Variants in ADGRE1 observed in about 807,000 individuals in gnomAD.
ADGRE1 encodes the protein EGF-like module receptor 1.
In ADGRE1, 82 loss-of-function variants were observed where a neutral mutation model predicts 102.7. The ratio of observed to expected loss-of-function variants is 0.80; its 90% CI spans 0.67 to 0.96. The LOEUF is 0.96. Ranked by LOEUF, ADGRE1 falls within the 40% of genes least tolerant of loss-of-function variation. The pLI is 0.00. For synonymous variants in ADGRE1, 398 were observed against 399.6 expected, an observed-to-expected ratio of 1.00 and a Z score of 0.05; for missense variants, 1,032 against 1,085.3, an observed-to-expected ratio of 0.95 and a Z score of 0.69.
chr19:6,935,486 T>G (rs572707945), intron 18 of ADGRE1, among the ~76,000 whole-genome samples: 1 of 152,264 alleles, frequency 6.6e-6, no homozygotes. Flanking sequence ...TTTTGTTTTT[T>G]ATGGTTTTTT....
chr19:6,890,458 G>A (rs1360313000), intron 1 of ADGRE1, 23 bp from the exon 2 acceptor site: 1 of 787,992 alleles, frequency 1.3e-6, no homozygotes, highest in Non-Finnish European at 1.7e-6. Flanking sequence ...GGTTCATGGT[G>A]TTTTTCTTTT....
At chr19:6,920,238 T>A (rs1051893556) in intron 13 of ADGRE1, among the ~76,000 whole-genome samples, 13 of 151,334 alleles carry the variant, frequency 8.6e-5, no homozygotes, top group Non-Finnish European at 4.4e-5. Context: ...CTTCTTTTTT[T>A]TTTTTTAGTC....
chr19:6,888,300 T>G (rs935129383), intron 1 of ADGRE1, among the ~76,000 whole-genome samples: 1 of 152,124 alleles, frequency 6.6e-6, no homozygotes, highest in African/African-American at 2.4e-5. Flanking sequence ...GGTCGGGAGT[T>G]ATGTTGAAGG....
At chr19:6,930,301 G>A (rs1039536510) in intron 17 of ADGRE1, among the ~76,000 whole-genome samples, 1 of 152,154 alleles carries the variant, frequency 6.6e-6, no homozygotes, top group Non-Finnish European at 1.5e-5. Flanking sequence ...GGGAGGCCAG[G>A]GAATGTTAAA....
At chr19:6,928,939 CAAAA>C (rs61017298) in intron 17 of ADGRE1, among the ~76,000 whole-genome samples, 74 of 132,002 alleles carry the variant, frequency 5.6e-4, no homozygotes, top group African/African-American at 1.2e-3. Context: ...AACTCCATCT[CAAAA>C]AAAAAAAAAA....
At position 6,924,861 on chromosome 19, in the gene ADGRE1, A is replaced by T; in HGVS notation, c.1975A>T (p.Thr659Ser). 6.2e-7 allele frequency: 1 copy of T among 1,613,960 alleles called. No individual in the cohort carries two copies. Among genetic ancestry groups the T allele is most frequent in the Non-Finnish European group, 8.5e-7 (1 of 1,179,992 alleles). The change falls in exon 15 of 21, where the codon ACT (threonine) becomes TCT (serine). Residue 659 changes from threonine to serine, a missense_variant. By Grantham distance (58) the Thr-to-Ser change is moderately conservative (BLOSUM62 1). Coordinates refer to ENST00000312053, the MANE Select transcript of ADGRE1 (RefSeq NM_001974.5). ...TCTCTTCCTCGCCGGTATACACAAG[A>T]CTGACAACAAGGTCTACATCGCTCG... is the stretch of plus-strand genomic sequence containing the variant. Reference protein sequence around the residue: ...KTLFLAGIHKTDNKMGCAIIA... With the variant: ...KTLFLAGIHKSDNKMGCAIIA...
At chr19:6,890,135 C>CA (rs1218704847) in intron 1 of ADGRE1, among the ~76,000 whole-genome samples, 1 of 152,088 alleles carries the variant, frequency 6.6e-6, no homozygotes, top group Non-Finnish European at 1.5e-5. Flanking sequence ...AGGCCGGTGT[C>CA]AAACTGCTGG....
rs754961572 is a variant in ADGRE1 at position 6,919,562 on chromosome 19, GC to G, written c.1436del (p.Ala479ValfsTer12). 1 of 1,608,506 alleles carries G rather than the reference GC, an allele frequency of 6.2e-7. No homozygotes were observed. Among genetic ancestry groups the G allele is most frequent in the African/African-American group, 1.3e-5 (1 of 74,202 alleles). ...GAAACCTGCAGAGACCACTGGTGTG[GC>G]TTTTGTCTCCTTTGTGGGCATGGAA... Reference protein sequence around the residue: ...ESESTETTGVAFVSFVGMESV... With the variant: ...ESESTETTGVXFVSFVGMESV... On this transcript the variant is annotated frameshift_variant, in exon 13 of 21. Transcript: ENST00000312053. LOFTEE classifies it high-confidence loss of function.
intron 14 of ADGRE1, among the ~76,000 whole-genome samples, chr19:6,924,100 G>A (rs1277581933): frequency 1.3e-5 from 2 of 151,398 alleles, no homozygotes; most frequent in Non-Finnish European, 2.9e-5. Flanking sequence ...AAGCAGAAAG[G>A]CATTTAACAC....
Position 6,925,425 on chromosome 19 carries a change from T to A in ADGRE1, c.1986+553T>A, listed in dbSNP as rs548668430. ...GGCTTCAGCCATCACGCACGGCCCC[T>A]CCTGTTACTTTCTAAACCAGAGGTT... On this transcript the variant is annotated intron_variant, in intron 15 of 20. Coordinates refer to ENST00000312053, the MANE Select transcript of ADGRE1 (RefSeq NM_001974.5). Among the ~76,000 whole-genome samples, 8 of 152,186 alleles carry A rather than the reference T, an allele frequency of 5.3e-5. No individual in the cohort carries two copies. The East Asian group carries it at 1.2e-3, about 22-fold the overall frequency.
At chr19:6,890,676 T>C (rs532039434) in intron 2 of ADGRE1, 133 bp downstream of exon 2, 68 of 852,728 alleles carry the variant, frequency 8.0e-5, no homozygotes, top group Non-Finnish European at 1.2e-4. Context: ...AGGGTTAACA[T>C]GCAAGTCTCC....
At chr19:6,903,011 T>C (rs1178802640) in intron 6 of ADGRE1, among the ~76,000 whole-genome samples, 1 of 152,232 alleles carries the variant, frequency 6.6e-6, no homozygotes, top group Non-Finnish European at 1.5e-5. Context: ...AGAAAACAGC[T>C]TTATTGAAGA....
intron 9 of ADGRE1, among the ~76,000 whole-genome samples, chr19:6,907,438 A>G (rs998846070): frequency 4.0e-5 from 6 of 151,346 alleles, no homozygotes; most frequent in African/African-American, 1.5e-4. Flanking sequence ...TCCTGGGTTC[A>G]AGCAATTCTT....
chr19:6,913,843 C>G lies in ADGRE1; in HGVS notation c.1300+13C>G. 6.4e-7 allele frequency: 1 copy of G among 1,559,834 alleles called. No homozygotes were observed. The highest frequency in any genetic ancestry group is 8.7e-7 in the Non-Finnish European group (1 of 1,146,756). On this transcript the variant is annotated intron_variant, in intron 11 of 20. Coordinates refer to ENST00000312053, the MANE Select transcript of ADGRE1 (RefSeq NM_001974.5). Reference sequence around the variant, plus strand: ...ACGGAATACTTAGGTAGGAGACACCCTTTGTGGCAAGGTTACACCTAGGGG... The same window carrying G: ...ACGGAATACTTAGGTAGGAGACACCGTTTGTGGCAAGGTTACACCTAGGGG...
At chr19:6,907,477 C>A (rs957404404) in intron 9 of ADGRE1, among the ~76,000 whole-genome samples, 1 of 151,878 alleles carries the variant, frequency 6.6e-6, no homozygotes, top group Non-Finnish European at 1.5e-5. Flanking sequence ...ATAGCTGGGA[C>A]TACAGGCACC....
At chr19:6,906,581 T>C (rs1379484557) in intron 9 of ADGRE1, 60 bp downstream of exon 9, 1 of 1,508,448 alleles carries the variant, frequency 6.6e-7, no homozygotes, top group African/African-American at 1.4e-5. Flanking sequence ...TTAGGTAGAA[T>C]GTTGTTTTTG....
chr19:6,935,126 CT>C (rs1975348416), intron 18 of ADGRE1, 48 bp downstream of exon 18: 1 of 1,479,282 alleles, frequency 6.8e-7, no homozygotes, highest in South Asian at 1.3e-5. Flanking sequence ...CCTCTTTCTT[CT>C]TCCCAGAAAA....
Position 6,906,616 on chromosome 19 carries a change from TA to T in ADGRE1, c.1038+96del, listed in dbSNP as rs1334247803. 3 of 1,096,864 alleles carry T rather than the reference TA, an allele frequency of 2.7e-6. No homozygotes were observed. In the African/African-American group the frequency reaches 4.7e-5, roughly 17 times the overall value. The allele number at this position is 1,096,864 out of a possible 1,614,324, so 67.9% of individuals were successfully genotyped here. A position where few individuals can be genotyped will look rare whatever the true frequency, so the allele number is the denominator to read the frequency against. ...GCAGTTCTAACAAAGGCAAAAGTAA[TA>T]GTGGCCAAAACCAGACAGCAGTTTA... On this transcript the variant is annotated intron_variant, in intron 9 of 20. Transcript: ENST00000312053.
At chr19:6,901,656 T>A (rs1023315324) in intron 5 of ADGRE1, among the ~76,000 whole-genome samples, 4 of 152,212 alleles carry the variant, frequency 2.6e-5, no homozygotes, top group African/African-American at 7.2e-5. Flanking sequence ...TCTGCTTACA[T>A]GCTATTGGCT....
Sources: gnomAD v4.1 joint callset for allele counts (sites outside exome capture counted in the v4.1 genomes callset) on GRCh38, gnomAD v4.1.1 for gene constraint, MANE v1.5 for transcripts, NCBI Gene and HGNC (gene_info 2026-07-23, HGNC 2026-07-21) for gene names.